The following IMPA2 variants were observed in gnomAD, a reference collection of about 807,000 sequenced individuals.
IMPA2 encodes the protein IMP 2.
A neutral mutation model predicts 35.1 loss-of-function variants in IMPA2; 32 were observed. That is an observed-to-expected ratio of 0.91 (90% confidence interval 0.69 to 1.23). The LOEUF is 1.23. IMPA2 is among the 50% of genes most tolerant of loss of function. IMPA2 has a pLI of 0.00. For missense variants in IMPA2, 334 were observed against 387.6 expected, an observed-to-expected ratio of 0.86 and a Z score of 1.16; for synonymous variants, 135 against 160.6, an observed-to-expected ratio of 0.84 and a Z score of 1.20.
At chr18:12,000,435 C>T (rs1598690342) in intron 2 of IMPA2, among the ~76,000 whole-genome samples, 1 of 141,780 alleles carries the variant, frequency 7.1e-6, no homozygotes, top group South Asian at 2.4e-4. Flanking sequence ...TTCCTTCTAA[C>T]TTGTTAGGTT....
At chr18:12,006,658 T>C (rs997806854) in intron 2 of IMPA2, among the ~76,000 whole-genome samples, 2 of 152,174 alleles carry the variant, frequency 1.3e-5, no homozygotes, top group African/African-American at 4.8e-5. Context: ...CCTGAGATGA[T>C]GTATGCGTGC....
At position 11,999,136 on chromosome 18, in the gene IMPA2, T is replaced by C; in HGVS notation, c.179T>C (p.Leu60Pro). 4 of 1,613,830 alleles carry C rather than the reference T, an allele frequency of 2.5e-6. No individual in the cohort carries two copies. Among genetic ancestry groups the C allele is most frequent in the Non-Finnish European group, 3.4e-6 (4 of 1,179,826 alleles). Residue 60 changes from leucine (L) to proline (P), a missense_variant, in exon 2 of 8, where the codon CTT becomes CCT. Coordinates refer to ENST00000269159, the MANE Select transcript of IMPA2 (RefSeq NM_014214.3). ...AADLVTETDH[L>P]VEDLIISELR... is the part of the protein sequence containing the mutation. Reference sequence around the variant, plus strand: ...GATCTTGTGACAGAAACAGATCACCTTGTGGAAGATTTAATTATTTCTGAG... The same window carrying C: ...GATCTTGTGACAGAAACAGATCACCCTGTGGAAGATTTAATTATTTCTGAG...
chr18:11,999,087 G>C lies in IMPA2; in HGVS notation c.130G>C (p.Val44Leu). Residue 44 changes from valine (V) to leucine (L), a missense_variant, in exon 2 of 8, where the codon GTC becomes CTC. By Grantham distance (32) the Val-to-Leu change is conservative. Transcript: ENST00000269159. ...AAAAGCCCTTACTGAGGAAAAACGT[G>C]TCTCAACAAAAACATCAGCTGCAGA... is the stretch of plus-strand genomic sequence containing the variant. The part of the protein sequence containing the change: ...IRKALTEEKR[V>L]STKTSAADLV... 2 of 1,613,760 alleles carry C rather than the reference G, an allele frequency of 1.2e-6. No homozygotes were observed. Among genetic ancestry groups the C allele is most frequent in the Non-Finnish European group, 1.7e-6 (2 of 1,179,800 alleles).
At chr18:12,008,305 C>T (rs933828901) in intron 2 of IMPA2, 1 of 517,456 alleles carries the variant, frequency 1.9e-6, no homozygotes, top group Non-Finnish European at 3.9e-6. Flanking sequence ...TTGTTTTTCA[C>T]TTATTTTCTT....
rs1418786915 is a variant in IMPA2 at position 12,028,143 on chromosome 18, G to C, written c.591G>C (p.Lys197Asn). The change falls in exon 6 of 8, where the codon AAG (lysine) becomes AAC (asparagine). Residue 197 changes from lysine to asparagine, a missense_variant. Transcript: ENST00000269159. Reference sequence around the variant, plus strand: ...ACATGGAGCGGCTGCTGCATGCCAAGGCGCATGGGTAGGAGGTTCAGTTCG... The same window carrying C: ...ACATGGAGCGGCTGCTGCATGCCAACGCGCATGGGTAGGAGGTTCAGTTCG... ...LSNMERLLHA[K>N]AHGVRVIGSS... The C allele has an allele frequency of 1.2e-6, 2 of 1,609,062 alleles. No homozygotes were observed. The highest frequency in any genetic ancestry group is 1.7e-6 in the Non-Finnish European group (2 of 1,175,464).
At chr18:12,005,691 C>G (rs1262142750) in intron 2 of IMPA2, among the ~76,000 whole-genome samples, 5 of 152,258 alleles carry the variant, frequency 3.3e-5, no homozygotes, top group African/African-American at 1.2e-4. Context: ...ACAGACAGAG[C>G]TCCTGCTCCC....
rs534742613 is a variant in IMPA2 at position 12,024,790 on chromosome 18, C to T, written c.491-3253C>T. Among the ~76,000 whole-genome samples, 6 of 151,398 alleles carry T rather than the reference C, an allele frequency of 4.0e-5. No individual in the cohort carries two copies. In the South Asian group the frequency reaches 1.3e-3, roughly 32 times the overall value. On this transcript the variant is annotated intron_variant, in intron 5 of 7. Coordinates refer to ENST00000269159, the MANE Select transcript of IMPA2 (RefSeq NM_014214.3). The stretch of plus-strand genomic sequence containing the variant: ...TTTTTTAGAGTAACGGTTTTAGGTT[C>T]ACAGCAAAATTGAGCAGAAGGTGCA...
chr18:12,000,619 T>TG (rs1198089645), intron 2 of IMPA2, among the ~76,000 whole-genome samples: 2 of 147,656 alleles, frequency 1.4e-5, no homozygotes, highest in Non-Finnish European at 3.0e-5. Context: ...TTTGTGATTT[T>TG]TTTTTTTTTT....
intron 1 of IMPA2, among the ~76,000 whole-genome samples, chr18:11,983,639 A>G (rs1391552283): frequency 6.6e-6 from 1 of 152,114 alleles, no homozygotes; most frequent in South Asian, 2.1e-4. Context: ...CTTTTTTTAA[A>G]CGCTGGAGAG....
At chr18:12,005,420 G>T (rs2143797448) in intron 2 of IMPA2, among the ~76,000 whole-genome samples, 1 of 152,124 alleles carries the variant, frequency 6.6e-6, no homozygotes, top group African/African-American at 2.4e-5. Flanking sequence ...AGTGGTTTGT[G>T]GCTTCAGTGA....
At chr18:12,027,649 G>T (rs1294085052) in intron 5 of IMPA2, among the ~76,000 whole-genome samples, 2 of 147,836 alleles carry the variant, frequency 1.4e-5, no homozygotes, top group Non-Finnish European at 3.0e-5. Flanking sequence ...AATCATGGCT[G>T]ACAGCAGCCT....
intron 7 of IMPA2, 101 bp from the exon 8 acceptor site, chr18:12,030,242 T>C: frequency 1.2e-6 from 1 of 826,328 alleles, no homozygotes; most frequent in Non-Finnish European, 2.0e-6. Context: ...CGGTTCCATG[T>C]GCCATTTCCT....
rs1196564623 is a variant in IMPA2, at chr18:11,999,184, A to G, written c.227A>G (p.His76Arg). 6.2e-7 allele frequency: 1 copy of G among 1,613,424 alleles called. No individual in the cohort carries two copies. The highest frequency in any genetic ancestry group is 1.1e-5 in the South Asian group (1 of 91,018). Residue 76 changes from histidine to arginine, a missense_variant, in exon 2 of 8, where the codon CAC becomes CGC. By Grantham distance (29) the His-to-Arg change is conservative. Coordinates refer to ENST00000269159, the MANE Select transcript of IMPA2 (RefSeq NM_014214.3). ...GAGTTGCGAGAGAGGTTTCCTTCAC[A>G]CAGGTAGGTGTACTCCTCTGGGAAA... Reference protein sequence around the residue: ...ISELRERFPSHRFIAEEAAAS... With the variant: ...ISELRERFPSRRFIAEEAAAS...
At chr18:12,025,132 G>A (rs145862892) in intron 5 of IMPA2, among the ~76,000 whole-genome samples, 28 of 152,254 alleles carry the variant, frequency 1.8e-4, no homozygotes, top group Non-Finnish European at 2.8e-4. Context: ...GAATCATACG[G>A]TGTGTAGCTT....
intron 3 of IMPA2, 89 bp from the exon 4 acceptor site, chr18:12,012,081 C>A: frequency 8.1e-7 from 1 of 1,229,928 alleles, no homozygotes; most frequent in Non-Finnish European, 1.2e-6. Flanking sequence ...GAAGGTCCTT[C>A]TGAGCCTGCG....
At chr18:12,003,759 T>C (rs897655847) in intron 2 of IMPA2, among the ~76,000 whole-genome samples, 3 of 151,950 alleles carry the variant, frequency 2.0e-5, no homozygotes. Flanking sequence ...CACATAGCTG[T>C]CTCCTGCCAT....
At chr18:12,006,848 C>T (rs1034446231) in intron 2 of IMPA2, among the ~76,000 whole-genome samples, 6 of 152,062 alleles carry the variant, frequency 3.9e-5, no homozygotes, top group East Asian at 1.9e-4. Flanking sequence ...AAAGTGACAT[C>T]GGGCCAGGCG....
chr18:12,003,524 G>C (rs1907169666), intron 2 of IMPA2, among the ~76,000 whole-genome samples: 1 of 152,076 alleles, frequency 6.6e-6, no homozygotes, highest in Non-Finnish European at 1.5e-5. Flanking sequence ...GGTGGCGCAT[G>C]CCTGTAGTCC....
At chr18:12,006,023 G>T (rs117392733) in intron 2 of IMPA2, among the ~76,000 whole-genome samples, 3 of 152,338 alleles carry the variant, frequency 2.0e-5, no homozygotes, top group Non-Finnish European at 4.4e-5. Context: ...CTCCTTGTAT[G>T]TGTGTTTTCA....
Sources: allele counts gnomAD v4.1 joint callset (sites outside exome capture counted in the v4.1 genomes callset), GRCh38; gene constraint gnomAD v4.1.1; transcripts MANE v1.5; gene names NCBI Gene and HGNC (gene_info 2026-07-23, HGNC 2026-07-21).